The following FAT3 variants were observed in gnomAD, a reference collection of about 807,000 sequenced individuals.
The protein encoded by FAT3 is protocadherin Fat 3.
FAT3 carries 95 observed loss-of-function variants against 310.2 expected under a neutral mutation model. That is an observed-to-expected ratio of 0.31 (90% CI 0.26 to 0.36). The LOEUF is 0.36. FAT3 is among the 10% of genes least tolerant of loss of function. FAT3 has a pLI of 1.00. For missense variants in FAT3, 5,408 were observed against 5,715.6 expected, an observed-to-expected ratio of 0.95 and a Z score of 1.74; for synonymous variants, 2,314 against 2,192.9, an observed-to-expected ratio of 1.06 and a Z score of -1.54.
chr11:92,389,774 C>T (rs1246787510), intron 2 of FAT3, among the ~76,000 whole-genome samples: 2 of 152,126 alleles, frequency 1.3e-5, no homozygotes, highest in Non-Finnish European at 2.9e-5. Flanking sequence ...ACATGAGTGT[C>T]AGGGTACGTG....
intron 3 of FAT3, among the ~76,000 whole-genome samples, chr11:92,617,351 C>T (rs182896133): frequency 9.8e-4 from 149 of 152,206 alleles, no homozygotes; most frequent in Non-Finnish European, 1.4e-3. Flanking sequence ...GTCTTCTGTA[C>T]GCTGTTTATT....
intron 2 of FAT3, among the ~76,000 whole-genome samples, chr11:92,491,860 G>T (rs1229401008): frequency 6.6e-6 from 1 of 152,012 alleles, no homozygotes; most frequent in Non-Finnish European, 1.5e-5. Flanking sequence ...ACAGACCTGT[G>T]CTTATTTTCT....
At chr11:92,451,002 G>T (rs1159182559) in intron 2 of FAT3, among the ~76,000 whole-genome samples, 1 of 152,140 alleles carries the variant, frequency 6.6e-6, no homozygotes, top group Non-Finnish European at 1.5e-5. Flanking sequence ...AGAGACTATA[G>T]AACAGCTTTA....
rs192376933 is a variant in FAT3 at position 92,687,594 on chromosome 11, C to T, written c.3608-9790C>T. ...GTACTGTAGTGATTCTTATATGTGT[C>T]TACCTCTCTCACTGGATTGTTAGTT... On this transcript the variant is annotated intron_variant, in intron 3 of 27. Coordinates refer to ENST00000525166, the MANE Select transcript of FAT3 (RefSeq NM_001367949.2). Among the ~76,000 whole-genome samples the T allele has an allele frequency of 3.8e-4, 58 of 152,264 alleles. No homozygotes were observed. In the East Asian group the frequency reaches 9.1e-3, roughly 24 times the overall value.
chr11:92,790,535 C>G (rs529850111), intron 8 of FAT3, among the ~76,000 whole-genome samples: 5 of 152,160 alleles, frequency 3.3e-5, no homozygotes, highest in Non-Finnish European at 7.3e-5. Flanking sequence ...GGTTTGCACC[C>G]AGAAGATTTC....
At chr11:92,683,946 C>T (rs1018429447) in intron 3 of FAT3, among the ~76,000 whole-genome samples, 13 of 152,258 alleles carry the variant, frequency 8.5e-5, no homozygotes, top group Middle Eastern at 3.4e-3. Flanking sequence ...ATGCTAAACC[C>T]GGCACGAGTT....
At chr11:92,761,334 A>C (rs1946145584) in intron 4 of FAT3, among the ~76,000 whole-genome samples, 1 of 152,170 alleles carries the variant, frequency 6.6e-6, no homozygotes, top group African/African-American at 2.4e-5. Flanking sequence ...TGAGGGTTTG[A>C]TCCTCATGAT....
intron 19 of FAT3, among the ~76,000 whole-genome samples, chr11:92,850,457 T>G (rs1219084113): frequency 2.0e-5 from 3 of 152,202 alleles, no homozygotes; most frequent in Non-Finnish European, 2.9e-5. Context: ...ACAGAAAATA[T>G]GGCTGAGTCA....
At chr11:92,852,055 C>A (rs755336220) in intron 19 of FAT3, among the ~76,000 whole-genome samples, 2 of 152,130 alleles carry the variant, frequency 1.3e-5, no homozygotes, top group Non-Finnish European at 2.9e-5. Context: ...GATTGTAGGG[C>A]TTTGGCTGGA....
intron 1 of FAT3, among the ~76,000 whole-genome samples, chr11:92,238,386 C>T (rs988895509): frequency 6.6e-6 from 1 of 152,134 alleles, no homozygotes; most frequent in African/African-American, 2.4e-5. Flanking sequence ...CCAGTATATA[C>T]TCAGAGACAC....
intron 22 of FAT3, among the ~76,000 whole-genome samples, chr11:92,868,138 G>T (rs1220639150): frequency 6.6e-6 from 1 of 152,146 alleles, no homozygotes; most frequent in Non-Finnish European, 1.5e-5. Flanking sequence ...CAGCAGTCGT[G>T]TCATTAGGAA....
chr11:92,794,473 TTTTTATA>T (rs1947117644), intron 9 of FAT3, among the ~76,000 whole-genome samples: 1 of 152,230 alleles, frequency 6.6e-6, no homozygotes, highest in African/African-American at 2.4e-5. Flanking sequence ...CTCTACCTGC[TTTTTATA>T]TTTGTCATTA....
chr11:92,514,610 A>G (rs1246533165), intron 2 of FAT3, among the ~76,000 whole-genome samples: 1 of 152,040 alleles, frequency 6.6e-6, no homozygotes, highest in Admixed American at 6.6e-5. Flanking sequence ...GTTCTTAATC[A>G]CTCATTTCTA....
At chr11:92,636,328 A>G (rs1175031677) in intron 3 of FAT3, among the ~76,000 whole-genome samples, 1 of 152,168 alleles carries the variant, frequency 6.6e-6, no homozygotes, top group Non-Finnish European at 1.5e-5. Flanking sequence ...ATTGGGCAGG[A>G]AAAAAGAAAA....
At chr11:92,414,503 A>G (rs1950365587) in intron 2 of FAT3, among the ~76,000 whole-genome samples, 1 of 152,230 alleles carries the variant, frequency 6.6e-6, no homozygotes, top group African/African-American at 2.4e-5. Context: ...TTACTTTTGT[A>G]AAATTTTAAA....
chr11:92,263,896 CT>C (rs1225881392), intron 1 of FAT3, among the ~76,000 whole-genome samples: 1 of 152,010 alleles, frequency 6.6e-6, no homozygotes, highest in African/African-American at 2.4e-5. Flanking sequence ...GGAAAGAAAG[CT>C]GACATATACT....
At chr11:92,556,481 A>G (rs1262571243) in intron 3 of FAT3, among the ~76,000 whole-genome samples, 1 of 152,080 alleles carries the variant, frequency 6.6e-6, no homozygotes, top group African/African-American at 2.4e-5. Flanking sequence ...CTGACACTGA[A>G]TTCTCATAAT....
chr11:92,645,698 C>T (rs1314775380), intron 3 of FAT3, among the ~76,000 whole-genome samples: 1 of 152,192 alleles, frequency 6.6e-6, no homozygotes, highest in Non-Finnish European at 1.5e-5. Context: ...CATAGAAATG[C>T]AGCCTTCATT....
intron 3 of FAT3, among the ~76,000 whole-genome samples, chr11:92,683,522 C>T (rs970197821): frequency 6.6e-6 from 1 of 152,124 alleles, no homozygotes; most frequent in Non-Finnish European, 1.5e-5. Context: ...TTTTCTTGCA[C>T]CCCCAGCTGT....
Sources: gnomAD v4.1 joint callset for allele counts (sites outside exome capture counted in the v4.1 genomes callset) on GRCh38, gnomAD v4.1.1 for gene constraint, MANE v1.5 for transcripts, NCBI Gene and HGNC (gene_info 2026-07-23, HGNC 2026-07-21) for gene names.